Variants in TAF1A observed in about 807,000 individuals in gnomAD.
The protein encoded by TAF1A is TATA-box binding protein associated factor, RNA polymerase I subunit A, also known as TATA box-binding protein-associated factor RNA polymerase I subunit A.
A neutral mutation model predicts 61.6 loss-of-function variants in TAF1A; 42 were observed. The observed-to-expected ratio is 0.68, with a 90% CI of 0.53 to 0.88. The LOEUF is 0.88. TAF1A is among the 40% of genes least tolerant of loss of function. The pLI, the probability that TAF1A is intolerant of heterozygous loss-of-function variation, is 0.00. For missense variants in TAF1A, 424 were observed against 518.7 expected, an observed-to-expected ratio of 0.82 and a Z score of 1.77; for synonymous variants, 179 against 177.7, an observed-to-expected ratio of 1.01 and a Z score of -0.06.
chr1:222,573,824 A>C (rs1239917098), intron 5 of TAF1A, among the ~76,000 whole-genome samples: 6 of 152,240 alleles, frequency 3.9e-5, no homozygotes, highest in Admixed American at 3.3e-4. Context: ...GTTATTCAAA[A>C]TAGGCAAAAG....
chr1:222,556,263 G>A (rs1000863796), downstream of TAF1A, among the ~76,000 whole-genome samples: 4 of 152,196 alleles, frequency 2.6e-5, no homozygotes, highest in African/African-American at 4.8e-5. Context: ...GTTGCATGTC[G>A]TCACAGGGTC....
At chr1:222,577,381 A>T in intron 5 of TAF1A, 64 bp downstream of exon 5, 1 of 1,320,646 alleles carries the variant, frequency 7.6e-7, no homozygotes, top group Non-Finnish European at 1.1e-6. Context: ...TTACTAGATT[A>T]CTCCTTAAGA....
At chr1:222,556,201 G>A (rs1198686694), downstream of TAF1A, among the ~76,000 whole-genome samples, 1 of 152,202 alleles carries the variant, frequency 6.6e-6, no homozygotes, top group Non-Finnish European at 1.5e-5. Flanking sequence ...TCAGGCAAGC[G>A]ATGTGGGGGT....
intron 5 of TAF1A, among the ~76,000 whole-genome samples, chr1:222,574,743 A>G (rs3002124): frequency 0.35 from 53,472 of 152,072 alleles, 10,660 homozygotes; most frequent in African/African-American, 0.55. Context: ...TATACAGTAC[A>G]ACTCCAAATA....
chr1:222,570,790 A>T (rs1660320264), intron 5 of TAF1A, 125 bp from the exon 6 acceptor site: 3 of 865,698 alleles, frequency 3.5e-6, no homozygotes, highest in Non-Finnish European at 5.1e-6. Flanking sequence ...AAATTCCAAC[A>T]AATATTTAAA....
At chr1:222,589,554 G>A (rs1370581782) in intron 1 of TAF1A, among the ~76,000 whole-genome samples, 173 bp downstream of exon 1, 1 of 152,114 alleles carries the variant, frequency 6.6e-6, no homozygotes, top group Non-Finnish European at 1.5e-5. Flanking sequence ...ACCCAAATTG[G>A]TGACCCGCAG....
intron 5 of TAF1A, among the ~76,000 whole-genome samples, chr1:222,571,268 G>A (rs558109290): frequency 6.6e-6 from 1 of 152,220 alleles, no homozygotes; most frequent in East Asian, 1.9e-4. Context: ...AAAACTCATA[G>A]CTAACATTGA....
At chr1:222,589,202 T>A (rs924314453) in intron 1 of TAF1A, among the ~76,000 whole-genome samples, 1 of 152,106 alleles carries the variant, frequency 6.6e-6, no homozygotes, top group Admixed American at 6.5e-5. Context: ...GAGTTTAGAC[T>A]TACTCCTAAA....
At chr1:222,564,928 A>C (rs1256301709) in intron 7 of TAF1A, among the ~76,000 whole-genome samples, 3 of 152,218 alleles carry the variant, frequency 2.0e-5, no homozygotes, top group African/African-American at 7.2e-5. Context: ...GTTCCTATGA[A>C]AGTCACATTT....
At chr1:222,569,215 T>C in intron 7 of TAF1A, 6 of 1,201,352 alleles carry the variant, frequency 5.0e-6, no homozygotes, top group Non-Finnish European at 6.3e-6. Context: ...GTTTACTCTC[T>C]GAAAACTAAA....
At chr1:222,575,987 C>T (rs542052318) in intron 5 of TAF1A, among the ~76,000 whole-genome samples, 41 of 152,272 alleles carry the variant, frequency 2.7e-4, no homozygotes, top group Admixed American at 1.7e-3. Flanking sequence ...AGAACTATTA[C>T]ACCAGAAAAT....
rs867734081 is a variant in TAF1A, at chr1:222,570,545, C to T, written c.725G>A (p.Ser242Asn). 6.2e-7 allele frequency: 1 copy of T among 1,610,120 alleles called. No homozygotes were observed. Among genetic ancestry groups the T allele is most frequent in the Non-Finnish European group, 8.5e-7 (1 of 1,177,364 alleles). The change falls in exon 6 of 11, where the codon AGT becomes AAT. Residue 242 changes from serine (S) to asparagine (N), a missense_variant. Coordinates refer to ENST00000352967, the MANE Select transcript of TAF1A (RefSeq NM_005681.4). Reference sequence around the variant, plus strand: ...GAAAATTCTACTTACTTCTACATAACTCTTCACAAAAGGGTCCCAAACTCC... The same window carrying T: ...GAAAATTCTACTTACTTCTACATAATTCTTCACAAAAGGGTCCCAAACTCC... ...IPGVWDPFVKSYVEMLEFYGD... is the reference protein window; with the variant it reads ...IPGVWDPFVKNYVEMLEFYGD...
chr1:222,566,327 G>GT (rs1660116525), intron 7 of TAF1A, among the ~76,000 whole-genome samples: 1 of 152,160 alleles, frequency 6.6e-6, no homozygotes, highest in African/African-American at 2.4e-5. Context: ...TTGGCACCAG[G>GT]TCCTGGTTTC....
At chr1:222,586,615 T>C (rs938267785) in intron 2 of TAF1A, among the ~76,000 whole-genome samples, 1 of 152,228 alleles carries the variant, frequency 6.6e-6, no homozygotes, top group Non-Finnish European at 1.5e-5. Flanking sequence ...TAACTTCTAA[T>C]ATGCTACTCA....
intron 3 of TAF1A, among the ~76,000 whole-genome samples, chr1:222,581,555 T>C (rs1018665693): frequency 1.3e-5 from 2 of 152,116 alleles, no homozygotes; most frequent in African/African-American, 4.8e-5. Flanking sequence ...AGACAAACAA[T>C]AACCAAGAAA....
In TAF1A at chr1:222,584,234, T is replaced by G. The variant is rs148961634; in HGVS notation, c.185A>C (p.Gln62Pro). The change falls in exon 3 of 11, where the codon CAA becomes CCA. Residue 62 changes from glutamine to proline, a missense_variant. By Grantham distance (76) the Gln-to-Pro change is moderately conservative (BLOSUM62 -1). Transcript: ENST00000352967. ...CCATTGGTGCTTCAGCAGAGCTTCTTGGATAAAACTTAAACAAGCACTTGT... is the reference window on the plus strand; with the variant it reads ...CCATTGGTGCTTCAGCAGAGCTTCTGGGATAAAACTTAAACAAGCACTTGT... The part of the protein sequence containing the change: ...QTTSACLSFI[Q>P]EALLKHQWQQ... 13 of 1,612,524 alleles carry G rather than the reference T, an allele frequency of 8.1e-6. No individual in the cohort carries two copies. In the South Asian group the frequency reaches 1.4e-4, roughly 18 times the overall value.
chr1:222,577,963 C>G (rs992350853), intron 4 of TAF1A, among the ~76,000 whole-genome samples: 4 of 152,188 alleles, frequency 2.6e-5, no homozygotes, highest in Non-Finnish European at 4.4e-5. Context: ...AAATTATTCA[C>G]TCTTTGTGAG....
chr1:222,582,749 A>G lies in TAF1A; in HGVS notation c.291+1379T>C, dbSNP rs548619757. ...AAAACATGGTATTTCCATATGACAG[A>G]TTATTTGGCAATAAAAGTAATGAAG... On this transcript the variant is annotated intron_variant, in intron 3 of 10. Transcript: ENST00000352967. Among the ~76,000 whole-genome samples, 9 of 152,374 alleles carry G rather than the reference A, an allele frequency of 5.9e-5. No homozygotes were observed. In the East Asian group the frequency reaches 1.7e-3, roughly 29 times the overall value.
downstream of TAF1A, among the ~76,000 whole-genome samples, chr1:222,555,059 C>T (rs974539603): frequency 6.6e-6 from 1 of 152,182 alleles, no homozygotes; most frequent in African/African-American, 2.4e-5. Context: ...TCAACATCTC[C>T]AGTCACGACG....
Sources: allele counts gnomAD v4.1 joint callset (sites outside exome capture counted in the v4.1 genomes callset), GRCh38; gene constraint gnomAD v4.1.1; transcripts MANE v1.5; gene names NCBI Gene and HGNC (gene_info 2026-07-23, HGNC 2026-07-21).